Variants in LRRC37A2 observed in about 807,000 individuals in gnomAD.
LRRC37A2 encodes leucine-rich repeat-containing protein 37A2.
A neutral mutation model predicts 68.8 loss-of-function variants in LRRC37A2; 9 were observed. That is an observed-to-expected ratio of 0.13 (90% CI 0.08 to 0.23). The LOEUF (loss-of-function observed/expected upper bound fraction) is 0.23, where lower values mean the gene tolerates loss of function less well. Ranked by LOEUF, LRRC37A2 falls within the 10% of genes least tolerant of loss-of-function variation. The pLI, the probability that LRRC37A2 is intolerant of heterozygous loss-of-function variation, is 1.00. For missense variants in LRRC37A2, 168 were observed against 950.4 expected, an observed-to-expected ratio of 0.18 and a Z score of 10.82; for synonymous variants, 63 against 367.6, an observed-to-expected ratio of 0.17 and a Z score of 9.48.
At chr17:46,901,811 T>TTTTTTA in the LRRC37A2 span, among the ~76,000 whole-genome samples, 2 of 149,478 alleles carry the variant, frequency 1.3e-5, no homozygotes, top group African/African-American at 5.0e-5. Flanking sequence ...GAATTTTTTT[T>TTTTTTA]TTTTTTTTTT....
the LRRC37A2 span, among the ~76,000 whole-genome samples, chr17:46,721,103 G>C: frequency 1.3e-5 from 2 of 152,218 alleles, no homozygotes; most frequent in African/African-American, 2.4e-5. Context: ...CTGCGTGGCA[G>C]AGCCCCGCTT....
chr17:46,779,103 A>ACCCCCCC, the LRRC37A2 span, among the ~76,000 whole-genome samples: 59 of 133,652 alleles, frequency 4.4e-4, no homozygotes, highest in Admixed American at 2.5e-3. Context: ...ACACACACAC[A>ACCCCCCC]CCCCAGCCCA....
chr17:46,892,855 A>G, the LRRC37A2 span, among the ~76,000 whole-genome samples: 1 of 152,142 alleles, frequency 6.6e-6, no homozygotes. Flanking sequence ...TAATCAAAAG[A>G]TTCATCACCA....
At chr17:46,936,077 G>C in the LRRC37A2 span, 23 of 985,726 alleles carry the variant, frequency 2.3e-5, no homozygotes, top group Non-Finnish European at 2.7e-5. Context: ...GGTCAGGCAA[G>C]CTGCAAGTGA....
the LRRC37A2 span, among the ~76,000 whole-genome samples, chr17:46,952,080 C>G: frequency 6.6e-6 from 1 of 152,172 alleles, no homozygotes; most frequent in Non-Finnish European, 1.5e-5. Flanking sequence ...TTTTGTGAAG[C>G]TATTTTTTTG....
At chr17:46,913,016 TC>T in the LRRC37A2 span, among the ~76,000 whole-genome samples, 1 of 152,238 alleles carries the variant, frequency 6.6e-6, no homozygotes. Context: ...GTGATGCCTG[TC>T]CTGCCTCCCA....
chr17:46,878,444 G>A, the LRRC37A2 span, among the ~76,000 whole-genome samples: 1 of 152,226 alleles, frequency 6.6e-6, no homozygotes, highest in Non-Finnish European at 1.5e-5. Context: ...ATGCTGGAAG[G>A]ATTTTTGACT....
At chr17:46,790,565 C>A in the LRRC37A2 span, among the ~76,000 whole-genome samples, 1 of 152,136 alleles carries the variant, frequency 6.6e-6, no homozygotes, top group African/African-American at 2.4e-5. Flanking sequence ...CTGCCCTCCC[C>A]CTGGGCCCCA....
the LRRC37A2 span, chr17:46,940,301 C>G: frequency 6.9e-7 from 1 of 1,440,930 alleles, no homozygotes. Flanking sequence ...CCAAATGGGC[C>G]CCAGGTTTCC....
chr17:47,034,299 C>T, the LRRC37A2 span, among the ~76,000 whole-genome samples: 1 of 152,244 alleles, frequency 6.6e-6, no homozygotes, highest in African/African-American at 2.4e-5. Flanking sequence ...CCCACTCAGT[C>T]TCTCCATGGC....
chr17:46,761,514 T>A, the LRRC37A2 span, among the ~76,000 whole-genome samples: 42 of 151,986 alleles, frequency 2.8e-4, no homozygotes, highest in African/African-American at 9.9e-4. Context: ...TTTGTATTTT[T>A]AGTAAAAACG....
the LRRC37A2 span, among the ~76,000 whole-genome samples, chr17:46,804,651 G>A: frequency 2.0e-5 from 3 of 152,250 alleles, no homozygotes; most frequent in South Asian, 4.1e-4. Context: ...GTGAGTAGAG[G>A]ATGGGTCACC....
At chr17:46,500,401 GAGA>G in the LRRC37A2 span, among the ~76,000 whole-genome samples, 4 of 147,348 alleles carry the variant, frequency 2.7e-5, no homozygotes, top group Admixed American at 1.4e-4. Flanking sequence ...ATTATTTGGG[GAGA>G]AGGATAAAAA....
chr17:46,972,183 C>G, the LRRC37A2 span, among the ~76,000 whole-genome samples: 2 of 152,192 alleles, frequency 1.3e-5, no homozygotes, highest in Admixed American at 1.3e-4. Flanking sequence ...TGGGGCTGGG[C>G]TGGGGCAGGA....
the LRRC37A2 span, among the ~76,000 whole-genome samples, chr17:46,866,266 T>C: frequency 6.6e-6 from 1 of 152,142 alleles, no homozygotes; most frequent in African/African-American, 2.4e-5. Flanking sequence ...CCTCTCTTAC[T>C]GGGCCAGGCA....
intron 11 of LRRC37A2, chr17:46,552,589 C>A: frequency 1.9e-5 from 1 of 52,470 alleles, no homozygotes. Context: ...CTAAAACAGT[C>A]AATAAAATGT....
At chr17:46,760,354 C>T in the LRRC37A2 span, among the ~76,000 whole-genome samples, 1 of 151,932 alleles carries the variant, frequency 6.6e-6, no homozygotes, top group Non-Finnish European at 1.5e-5. Context: ...AAAGTACTGG[C>T]CAGGCAGGGT....
chr17:46,753,034 G>A, the LRRC37A2 span, among the ~76,000 whole-genome samples: 1 of 152,254 alleles, frequency 6.6e-6, no homozygotes, highest in Non-Finnish European at 1.5e-5. Flanking sequence ...CTCCCAAAAT[G>A]TTGGGATTAC....
chr17:46,728,648 T>A, the LRRC37A2 span, among the ~76,000 whole-genome samples: 1 of 152,004 alleles, frequency 6.6e-6, no homozygotes, highest in Non-Finnish European at 1.5e-5. Flanking sequence ...TTTAGGTTAT[T>A]AGAGATATTT....
Sources: allele counts gnomAD v4.1 joint callset (sites outside exome capture counted in the v4.1 genomes callset), GRCh38; gene constraint gnomAD v4.1.1; transcripts MANE v1.5; gene names NCBI Gene and HGNC (gene_info 2026-07-23, HGNC 2026-07-21).